The following FBLN7 variants were observed in gnomAD, a reference collection of about 807,000 sequenced individuals.
FBLN7 encodes fibulin 7.
Under a neutral mutation model 44.0 loss-of-function variants are expected in FBLN7, and 31 were observed. That is an observed-to-expected ratio of 0.70 (90% CI 0.53 to 0.95). The LOEUF (loss-of-function observed/expected upper bound fraction) is 0.95. Ranked by LOEUF, FBLN7 falls within the 40% of genes least tolerant of loss-of-function variation. The probability of loss-of-function intolerance (pLI) is 0.00; values close to 1 mark genes in which losing one functional copy is unlikely to be tolerated. For synonymous variants in FBLN7, 262 were observed against 253.4 expected (o/e 1.03, Z -0.32); for missense variants, 573 against 618.5 (o/e 0.93, Z 0.78).
chr2:112,225,587 C>T, the FBLN7 span, among the ~76,000 whole-genome samples: 4 of 152,298 alleles, frequency 2.6e-5, no homozygotes, highest in Non-Finnish European at 2.9e-5. Flanking sequence ...GAGGCTGAGG[C>T]GGGCAGATCA....
chr2:112,187,063 C>G lies in FBLN7; in HGVS notation c.948-71C>G, dbSNP rs1683300581. 6.4e-6 allele frequency: 10 copies of G among 1,552,392 alleles called. No homozygotes were observed. In the South Asian group the frequency reaches 1.1e-4, roughly 17 times the overall value. On this transcript the variant is annotated intron_variant, in intron 7 of 7. Transcript: ENST00000331203. This position sits in a 1 kb window ranked among gnomAD's most constrained non-coding sequence, Gnocchi z 5.1. The stretch of plus-strand genomic sequence containing the variant: ...TGGCCTCTGCAAGAGGGCAGGTGGG[C>G]AGCCGGGTCAGAGCAGCTCTTCATG...
Position 112,138,620 on chromosome 2 carries a change from T to A in FBLN7, c.-36T>A, listed in dbSNP as rs982353842. The A allele has an allele frequency of 6.2e-7, 1 of 1,611,982 alleles. No individual in the cohort carries two copies. The highest frequency in any genetic ancestry group is 8.5e-7 in the Non-Finnish European group (1 of 1,178,892). On this transcript the variant is annotated 5_prime_UTR_variant, in exon 1 of 8. Coordinates refer to ENST00000331203, the MANE Select transcript of FBLN7 (RefSeq NM_153214.3). ...AAACTCGGCAGCGGAGGCAAAGTTA[T>A]TTCCCCTCCCAGGCAGCGGGATTCC...
intron 1 of FBLN7, among the ~76,000 whole-genome samples, chr2:112,144,261 A>G (rs1279536539): frequency 1.3e-5 from 2 of 152,236 alleles, no homozygotes; most frequent in African/African-American, 4.8e-5. Flanking sequence ...AGACGATTTT[A>G]ATGATTCAGA....
chr2:112,208,711 C>A, the FBLN7 span, among the ~76,000 whole-genome samples: 1 of 152,140 alleles, frequency 6.6e-6, no homozygotes, highest in Non-Finnish European at 1.5e-5. Context: ...TCCAGATAAT[C>A]TTATACAGTC....
At chr2:112,181,191 T>C (rs553109399) in intron 4 of FBLN7, among the ~76,000 whole-genome samples, 14 of 152,026 alleles carry the variant, frequency 9.2e-5, no homozygotes, top group African/African-American at 3.1e-4. Flanking sequence ...CTTGAGGGGT[T>C]GGGGAGGAGG....
the FBLN7 span, among the ~76,000 whole-genome samples, chr2:112,237,607 C>T: frequency 1.3e-5 from 2 of 150,944 alleles, no homozygotes; most frequent in African/African-American, 2.4e-5. Context: ...GACAGAGTCT[C>T]GCTCTGTTGT....
chr2:112,158,596 C>T lies in FBLN7; in HGVS notation c.76-1080C>T, dbSNP rs541775597. Among the ~76,000 whole-genome samples the T allele has an allele frequency of 8.0e-4, 122 of 152,128 alleles. 1 individual carries two copies. Among genetic ancestry groups the T allele is most frequent in the African/African-American group, 2.6e-3 (107 of 41,498 alleles). The stretch of plus-strand genomic sequence containing the variant: ...GATTACAGGCACCTGCCACCATGCC[C>T]GGCTAATTTTAAAAATATTTGTAGT... On this transcript the variant is annotated intron_variant, in intron 1 of 7. Coordinates refer to ENST00000331203, the MANE Select transcript of FBLN7 (RefSeq NM_153214.3).
chr2:112,224,010 G>A, the FBLN7 span, among the ~76,000 whole-genome samples: 1 of 152,194 alleles, frequency 6.6e-6, no homozygotes, highest in East Asian at 1.9e-4. Flanking sequence ...AGGGTGGTAG[G>A]TGCCTGTAAT....
chr2:112,186,545 C>T (rs1443307902), intron 7 of FBLN7, among the ~76,000 whole-genome samples: 1 of 152,140 alleles, frequency 6.6e-6, no homozygotes, highest in Non-Finnish European at 1.5e-5. Flanking sequence ...GAGGCTGAGA[C>T]AGGAGAATCA....
At chr2:112,176,544 T>C (rs746970484) in intron 4 of FBLN7, 10 of 152,374 alleles carry the variant, frequency 6.6e-5, no homozygotes, top group Non-Finnish European at 1.2e-4. Context: ...GGAAGGGACA[T>C]TGGGGCTAGT....
the FBLN7 span, chr2:112,236,670 A>C: frequency 6.2e-7 from 1 of 1,612,428 alleles, no homozygotes; most frequent in Non-Finnish European, 8.5e-7. Flanking sequence ...GACCAGCTTT[A>C]AGATTTTTAT....
the FBLN7 span, among the ~76,000 whole-genome samples, chr2:112,202,512 T>C: frequency 4.7e-4 from 72 of 151,938 alleles, no homozygotes; most frequent in Non-Finnish European, 9.1e-4. Context: ...TGAGTTAAGG[T>C]TTCTACCTCT....
chr2:112,165,200 G>A (rs995938086), intron 3 of FBLN7, 29 bp downstream of exon 3: 17 of 1,606,380 alleles, frequency 1.1e-5, no homozygotes, highest in Admixed American at 5.0e-5. Context: ...ATCCCACTGC[G>A]CTGGACCCAT....
At chr2:112,178,454 A>T (rs1682836386) in intron 4 of FBLN7, among the ~76,000 whole-genome samples, 1 of 152,178 alleles carries the variant, frequency 6.6e-6, no homozygotes, top group Non-Finnish European at 1.5e-5. Flanking sequence ...TCCTACAGAA[A>T]CTATTCCAAA....
chr2:112,152,191 G>A (rs934872276), intron 1 of FBLN7: 1 of 152,268 alleles, frequency 6.6e-6, no homozygotes, highest in African/African-American at 2.4e-5. Context: ...AGGCACACTG[G>A]GTTTTAAATC....
the FBLN7 span, among the ~76,000 whole-genome samples, chr2:112,239,214 C>G: frequency 1.4e-3 from 208 of 152,334 alleles, 1 homozygote; most frequent in South Asian, 3.5e-3. Flanking sequence ...AGGCTGATGA[C>G]AGCAATGACT....
intron 6 of FBLN7, among the ~76,000 whole-genome samples, chr2:112,184,691 ATG>A (rs1683163372): frequency 6.7e-6 from 1 of 149,224 alleles, no homozygotes. Flanking sequence ...TGGTGTATAT[ATG>A]GTATATATAT....
chr2:112,181,854 C>T lies in FBLN7; in HGVS notation c.648C>T (p.Ala216=), dbSNP rs1182521687. 1.3e-6 allele frequency: 2 copies of T among 1,528,496 alleles called. No homozygotes were observed. The highest frequency in any genetic ancestry group is 1.7e-6 in the Non-Finnish European group (2 of 1,143,332). 94.7% of individuals were successfully genotyped at this position (1,528,496 alleles called of 1,614,324 possible). Residue 216 remains alanine (A), a synonymous_variant, in exon 5 of 8, where the codon GCC becomes GCT. Coordinates refer to ENST00000331203, the MANE Select transcript of FBLN7 (RefSeq NM_153214.3). ...SCEAGFHLSG[A]AGDSVCQDVN... ...AGGCCGGATTCCACCTGAGCGGCGC[C>T]GCCGGCGACAGCGTCTGCCAGGGTA...
intron 1 of FBLN7, among the ~76,000 whole-genome samples, chr2:112,148,626 C>T (rs1680998369): frequency 1.3e-5 from 2 of 152,230 alleles, no homozygotes; most frequent in African/African-American, 4.8e-5. Flanking sequence ...TCTGGACTGG[C>T]CTTGCTCGTT....
Sources: allele counts gnomAD v4.1 joint callset (sites outside exome capture counted in the v4.1 genomes callset), GRCh38; gene constraint gnomAD v4.1.1; non-coding constraint Gnocchi (gnomAD v3.1); transcripts MANE v1.5; gene names NCBI Gene and HGNC (gene_info 2026-07-23, HGNC 2026-07-21).